FAM167A: variants seen among roughly 807,000 people sequenced by gnomAD.
The protein encoded by FAM167A is family with sequence similarity 167 member A.
Under a neutral mutation model 14.9 loss-of-function variants are expected in FAM167A, and 23 were observed. The ratio of observed to expected loss-of-function variants is 1.55; its 90% confidence interval spans 1.11 to 2.19. FAM167A has a LOEUF of 2.19. Among genes scored for constraint, FAM167A ranks in the 30% most tolerant of loss-of-function variants. FAM167A has a pLI of 0.00. For missense variants in FAM167A, 401 were observed against 281.5 expected, an observed-to-expected ratio of 1.42 and a Z score of -3.04; for synonymous variants, 174 against 117.7, an observed-to-expected ratio of 1.48 and a Z score of -3.10.
chr8:11,437,864 G>A (rs1318137937), intron 2 of FAM167A, among the ~76,000 whole-genome samples: 1 of 148,430 alleles, frequency 6.7e-6, no homozygotes, highest in Non-Finnish European at 1.5e-5. Flanking sequence ...GGATCTGGCT[G>A]CCAAGGAAGT....
upstream of FAM167A, chr8:11,466,865 C>A (rs574247666): frequency 2.6e-5 from 4 of 152,232 alleles, no homozygotes; most frequent in African/African-American, 4.8e-5. Flanking sequence ...ATCCCGGCCT[C>A]GCGTTCTCGC....
intron 1 of FAM167A, among the ~76,000 whole-genome samples, chr8:11,446,982 C>T (rs886558890): frequency 1.1e-4 from 17 of 152,238 alleles, no homozygotes; most frequent in East Asian, 1.9e-4. Flanking sequence ...AGCACCCTCC[C>T]GCCCTGAGTT....
chr8:11,465,781 T>G (rs1249372430), intron 1 of FAM167A, among the ~76,000 whole-genome samples: 1 of 152,172 alleles, frequency 6.6e-6, no homozygotes, highest in African/African-American at 2.4e-5. Flanking sequence ...CGTGATCTCA[T>G]CTTCTGGGAT....
chr8:11,424,780 G>A (rs1805020608), intron 2 of FAM167A, 144 bp from the exon 3 acceptor site: 14 of 1,246,982 alleles, frequency 1.1e-5, no homozygotes, highest in East Asian at 2.5e-5. Flanking sequence ...TGCTCAGGGA[G>A]GTGAAAAGAC....
At chr8:11,460,772 T>A (rs926963322) in intron 1 of FAM167A, among the ~76,000 whole-genome samples, 1 of 151,934 alleles carries the variant, frequency 6.6e-6, no homozygotes, top group Non-Finnish European at 1.5e-5. Context: ...GCTCCATGAG[T>A]GGCGCTGGCT....
chr8:11,471,197 CAG>C (rs1405943231), upstream of FAM167A, among the ~76,000 whole-genome samples: 1 of 152,114 alleles, frequency 6.6e-6, no homozygotes, highest in East Asian at 1.9e-4. Flanking sequence ...TCTGAGGCAG[CAG>C]AGGGAACTGC....
At position 11,443,984 on chromosome 8, in the gene FAM167A, C is replaced by T. The variant is rs779358554; in HGVS notation, c.381+47G>A. The T allele has an allele frequency of 1.0e-4, 157 of 1,566,622 alleles. 2 individuals are homozygous for T. The highest frequency in any genetic ancestry group is 9.7e-4 in the South Asian group (82 of 84,124). On this transcript the variant is annotated intron_variant, in intron 2 of 2. Transcript: ENST00000284486. Reference sequence around the variant, plus strand: ...AGAGACAGAAAAAGACACAGAGAGACGGTGGCATCTCCTCTTTTCTGGGGA... The same window carrying T: ...AGAGACAGAAAAAGACACAGAGAGATGGTGGCATCTCCTCTTTTCTGGGGA...
intron 1 of FAM167A, among the ~76,000 whole-genome samples, chr8:11,458,061 G>C (rs563185349): frequency 5.2e-5 from 6 of 114,370 alleles, no homozygotes; most frequent in African/African-American, 1.9e-4. Flanking sequence ...GTCGTTCACA[G>C]CTCCAGATGA....
At chr8:11,472,848 C>T (rs144956445) in intron 1 of FAM167A, among the ~76,000 whole-genome samples, 26 of 152,346 alleles carry the variant, frequency 1.7e-4, no homozygotes, top group African/African-American at 5.5e-4. Context: ...TTCCATGACA[C>T]TCTGCAATTG....
chr8:11,462,306 C>T (rs1424968072), intron 1 of FAM167A, among the ~76,000 whole-genome samples: 1 of 152,202 alleles, frequency 6.6e-6, no homozygotes, highest in Non-Finnish European at 1.5e-5. Context: ...AGTTCTATGA[C>T]CTTGATCAAC....
intron 1 of FAM167A, among the ~76,000 whole-genome samples, chr8:11,458,814 G>A (rs1211015446): frequency 1.3e-5 from 2 of 152,104 alleles, no homozygotes; most frequent in African/African-American, 2.4e-5. Context: ...GAGAGAAAGA[G>A]AGAGCATCCT....
At chr8:11,458,580 T>C (rs1307434093) in intron 1 of FAM167A, among the ~76,000 whole-genome samples, 1 of 152,036 alleles carries the variant, frequency 6.6e-6, no homozygotes, top group Non-Finnish European at 1.5e-5. Flanking sequence ...ACTCTGGCAA[T>C]AGTGACTGGG....
In FAM167A at chr8:11,440,521, C is replaced by G. The variant is rs575990154; in HGVS notation, c.381+3510G>C. ...TAGCTGGTCTTGCAGGAGGCGGGAG[C>G]AGATTAAGACGATGCTTCCAGACCC... On this transcript the variant is annotated intron_variant, in intron 2 of 2. Transcript: ENST00000284486. Among the ~76,000 whole-genome samples, 94 of 152,294 alleles carry G rather than the reference C, an allele frequency of 6.2e-4. 2 individuals are homozygous for G. The South Asian group carries it at 0.019, about 31-fold the overall frequency.
chr8:11,467,667 G>A (rs1422027720), upstream of FAM167A: 1 of 152,422 alleles, frequency 6.6e-6, no homozygotes, highest in Non-Finnish European at 1.5e-5. Context: ...GCTGCAAAGT[G>A]ACTGGCGCAG....
At chr8:11,434,852 G>A (rs906644796) in intron 2 of FAM167A, 2 of 355,316 alleles carry the variant, frequency 5.6e-6, no homozygotes, top group Non-Finnish European at 1.1e-5. Context: ...AACTGAGGAG[G>A]TTCTGGAAGC....
chr8:11,444,384 C>T lies in FAM167A; in HGVS notation c.28G>A (p.Glu10Lys). Residue 10 changes from glutamate (E) to lysine (K), a missense_variant, in exon 2 of 3, where the codon GAA becomes AAA. Physicochemically the swap from Glu to Lys is moderately conservative, Grantham distance 56 (BLOSUM62 1). Coordinates refer to ENST00000284486, the MANE Select transcript of FAM167A (RefSeq NM_053279.3). MSVPQIHVE[E>K]VGAEEGAGAA... ...CCCGCCCCCTCTTCTGCACCCACTT[C>T]TTCCACGTGGATCTGGGGCACAGAC... The T allele has an allele frequency of 1.3e-6, 2 of 1,563,708 alleles. No individual in the cohort carries two copies. Among genetic ancestry groups the T allele is most frequent in the South Asian group, 1.2e-5 (1 of 86,182 alleles).
At chr8:11,435,897 T>C (rs951632208) in intron 2 of FAM167A, among the ~76,000 whole-genome samples, 1 of 152,258 alleles carries the variant, frequency 6.6e-6, no homozygotes, top group Non-Finnish European at 1.5e-5. Flanking sequence ...CCGGAATTAC[T>C]AGTTCCACCA....
intron 1 of FAM167A, among the ~76,000 whole-genome samples, chr8:11,449,517 T>C (rs984598193): frequency 6.6e-6 from 1 of 152,106 alleles, no homozygotes. Flanking sequence ...TTTCTTTACA[T>C]GTAACCTGGG....
intron 1 of FAM167A, among the ~76,000 whole-genome samples, chr8:11,451,981 A>G (rs1445053005): frequency 6.6e-6 from 1 of 152,190 alleles, no homozygotes; most frequent in Non-Finnish European, 1.5e-5. Flanking sequence ...ATGAGACAGG[A>G]AGCACAACTC....
Sources: allele counts gnomAD v4.1 joint callset (sites outside exome capture counted in the v4.1 genomes callset), GRCh38; gene constraint gnomAD v4.1.1; transcripts MANE v1.5; gene names NCBI Gene and HGNC (gene_info 2026-07-23, HGNC 2026-07-21).